CCT3: variants seen among roughly 807,000 people sequenced by gnomAD.
CCT3 encodes chaperonin containing TCP1 subunit 3, also known as T-complex protein 1 subunit gamma.
Under a neutral mutation model 65.3 loss-of-function variants are expected in CCT3, and 10 were observed. The observed-to-expected ratio is 0.15, with a 90% CI of 0.09 to 0.26. The LOEUF is 0.26. Among genes scored for constraint, CCT3 ranks in the 10% least tolerant of loss-of-function variants. CCT3 has a pLI of 1.00. For synonymous variants in CCT3, 225 were observed against 242.3 expected, an observed-to-expected ratio of 0.93 and a Z score of 0.66; for missense variants, 626 against 708.7, an observed-to-expected ratio of 0.88 and a Z score of 1.33.
intron 1 of CCT3, among the ~76,000 whole-genome samples, chr1:156,336,585 C>CT (rs1383113364): frequency 6.6e-6 from 1 of 152,210 alleles, no homozygotes; most frequent in Non-Finnish European, 1.5e-5. Flanking sequence ...TGACTACATA[C>CT]TTTAACTGGG....
chr1:156,329,324 T>TG (rs1491407515), intron 5 of CCT3, among the ~76,000 whole-genome samples: 15 of 125,570 alleles, frequency 1.2e-4, no homozygotes, highest in African/African-American at 3.8e-4. Context: ...TTTTTTTTTT[T>TG]GAGACGGAAT....
intron 10 of CCT3, among the ~76,000 whole-genome samples, chr1:156,314,739 A>G (rs1339792739): frequency 1.3e-5 from 2 of 152,070 alleles, no homozygotes; most frequent in Non-Finnish European, 2.9e-5. Flanking sequence ...TAAAAACAAA[A>G]AAAACCAAAC....
intron 5 of CCT3, among the ~76,000 whole-genome samples, chr1:156,325,602 C>T (rs993036452): frequency 1.4e-5 from 2 of 145,216 alleles, no homozygotes; most frequent in Non-Finnish European, 3.0e-5. Flanking sequence ...TTTTGAGAAG[C>T]AGTCTCGCTG....
intron 10 of CCT3, among the ~76,000 whole-genome samples, chr1:156,313,243 G>A (rs1664156778): frequency 6.6e-6 from 1 of 150,958 alleles, no homozygotes; most frequent in South Asian, 2.1e-4. Flanking sequence ...GGAGCCTGAG[G>A]CAGGAGAATC....
chr1:156,311,757 G>A (rs974880382), intron 11 of CCT3, among the ~76,000 whole-genome samples: 6 of 152,208 alleles, frequency 3.9e-5, no homozygotes, highest in African/African-American at 1.4e-4. Context: ...TCTCAGTTCT[G>A]CAAGATGAAA....
intron 6 of CCT3, among the ~76,000 whole-genome samples, chr1:156,322,201 G>A (rs1252156322): frequency 3.3e-5 from 5 of 152,124 alleles, no homozygotes; most frequent in African/African-American, 9.7e-5. Flanking sequence ...CTGCACCACC[G>A]CACTCCAGCT....
chr1:156,336,868 G>GACCT (rs576329337), intron 1 of CCT3, among the ~76,000 whole-genome samples: 239 of 151,490 alleles, frequency 1.6e-3, no homozygotes, highest in Non-Finnish European at 1.5e-3. Flanking sequence ...AACCTGCATG[G>GACCT]ACCTACAATC....
At chr1:156,335,044 T>C in intron 2 of CCT3, 126 bp from the exon 3 acceptor site, 1 of 770,900 alleles carries the variant, frequency 1.3e-6, no homozygotes, top group Non-Finnish European at 2.0e-6. Context: ...TTTAATTTTA[T>C]TTTATTTTTA....
chr1:156,311,816 T>C (rs1323310882), intron 11 of CCT3, among the ~76,000 whole-genome samples: 1 of 152,190 alleles, frequency 6.6e-6, no homozygotes, highest in Non-Finnish European at 1.5e-5. Flanking sequence ...TTAACATTAC[T>C]GAACTGTACA....
In CCT3 at chr1:156,333,607, C is replaced by G; in HGVS notation, c.244G>C (p.Glu82Gln). 1.2e-6 allele frequency: 2 copies of G among 1,613,978 alleles called. No individual in the cohort carries two copies. Among genetic ancestry groups the G allele is most frequent in the Non-Finnish European group, 1.7e-6 (2 of 1,179,908 alleles). The change falls in exon 5 of 14, where the codon GAA becomes CAA. Residue 82 changes from glutamate (E) to glutamine (Q), a missense_variant. Transcript: ENST00000295688. Reference protein sequence around the residue: ...VQHPAAKSMIEISRTQDEEVG... With the variant: ...VQHPAAKSMIQISRTQDEEVG... ...TCTTCATCCTGGGTCCGGCTAATTT[C>G]GATCATGGACTTGGCCGCTGGATGC...
intron 11 of CCT3, among the ~76,000 whole-genome samples, chr1:156,311,632 T>C (rs1446763205): frequency 6.6e-6 from 1 of 152,148 alleles, no homozygotes; most frequent in East Asian, 1.9e-4. Flanking sequence ...TTTGGGAAAG[T>C]TACTTAGCCT....
intron 6 of CCT3, 36 bp downstream of exon 6, chr1:156,324,936 A>G (rs778384918): frequency 4.3e-6 from 6 of 1,392,048 alleles, no homozygotes; most frequent in Admixed American, 1.7e-5. Flanking sequence ...CAGGCCTCTC[A>G]TATTTGATAC....
chr1:156,325,840 C>T (rs1391987387), intron 5 of CCT3, among the ~76,000 whole-genome samples: 1 of 152,014 alleles, frequency 6.6e-6, no homozygotes, highest in Non-Finnish European at 1.5e-5. Flanking sequence ...ACCTCGGCCA[C>T]CCAAAGTGCT....
intron 7 of CCT3, 111 bp from the exon 8 acceptor site, chr1:156,319,128 T>C: frequency 9.9e-7 from 1 of 1,011,026 alleles, no homozygotes. Flanking sequence ...TTTTTTTTTT[T>C]TTGAGATGGA....
At position 156,335,837 on chromosome 1, in the gene CCT3, T is replaced by A; in HGVS notation, c.83A>T (p.Asn28Ile). ...SGRKVQSGNI[N>I]AAKTIADIIR... The stretch of plus-strand genomic sequence containing the variant: ...TAAAAGATTTGTGACCTTGGCAGCA[T>A]TGATGTTTCCAGATTGAACTTTTCT... The change falls in exon 2 of 14, where the codon AAT becomes ATT. Residue 28 changes from asparagine (N) to isoleucine (I), a missense_variant. Asn to Ile is a moderately radical substitution (Grantham distance 149, BLOSUM62 -3). Coordinates refer to ENST00000295688, the MANE Select transcript of CCT3 (RefSeq NM_005998.5). The A allele has an allele frequency of 6.2e-7, 1 of 1,613,988 alleles. No homozygotes were observed. Among genetic ancestry groups the A allele is most frequent in the Non-Finnish European group, 8.5e-7 (1 of 1,179,870 alleles).
chr1:156,331,489 T>G (rs1665094128), intron 5 of CCT3, among the ~76,000 whole-genome samples: 1 of 151,446 alleles, frequency 6.6e-6, no homozygotes, highest in East Asian at 1.9e-4. Flanking sequence ...TCGAGATCAG[T>G]CTGGCCAACA....
chr1:156,309,174 G>T lies in CCT3; in HGVS notation c.*25C>A, dbSNP rs769324546. On this transcript the variant is annotated 3_prime_UTR_variant, in exon 14 of 14. Transcript: ENST00000295688. ...AAAGGGGAGACTCTGCTGGTTCTGTGCATTGAAGTAGCCTTGCCTAGCACT... is the reference window on the plus strand; with the variant it reads ...AAAGGGGAGACTCTGCTGGTTCTGTTCATTGAAGTAGCCTTGCCTAGCACT... 7.0e-6 allele frequency: 10 copies of T among 1,433,846 alleles called. No homozygotes were observed. The highest frequency in any genetic ancestry group is 8.9e-6 in the Non-Finnish European group (9 of 1,015,658). 88.8% of individuals were successfully genotyped at this position (1,433,846 alleles called of 1,614,324 possible).
At chr1:156,309,668 C>T (rs1355674854) in intron 13 of CCT3, among the ~76,000 whole-genome samples, 1 of 151,930 alleles carries the variant, frequency 6.6e-6, no homozygotes, top group Non-Finnish European at 1.5e-5. Context: ...TCACGTGATC[C>T]ACCTGCCTTA....
At chr1:156,327,882 G>A (rs1664898595) in intron 5 of CCT3, among the ~76,000 whole-genome samples, 3 of 146,662 alleles carry the variant, frequency 2.0e-5, no homozygotes, top group Non-Finnish European at 4.5e-5. Context: ...GGGATGTGGG[G>A]AGCACCTCTG....
Sources: gnomAD v4.1 joint callset for allele counts (sites outside exome capture counted in the v4.1 genomes callset) on GRCh38, gnomAD v4.1.1 for gene constraint, MANE v1.5 for transcripts, NCBI Gene and HGNC (gene_info 2026-07-23, HGNC 2026-07-21) for gene names.